MED13L: variants seen among roughly 807,000 people sequenced by gnomAD.
MED13L encodes the protein mediator of RNA polymerase II transcription subunit 13-like.
A neutral mutation model predicts 220.9 loss-of-function variants in MED13L; 7 were observed. That is an observed-to-expected ratio of 0.03 (90% CI 0.02 to 0.06). The LOEUF is 0.06. MED13L is among the 10% of genes least tolerant of loss of function. The pLI is 1.00. For synonymous variants in MED13L, 1,011 were observed against 1,015.2 expected (o/e 1.00, Z 0.08); for missense variants, 1,965 against 2,760.5 (o/e 0.71, Z 6.46).
In MED13L at chr12:115,975,292, A is replaced by G. The variant is rs1216166726; in HGVS notation, c.5610T>C (p.Ser1870=). The change falls in exon 25 of 31, where the codon TCT becomes TCC. Residue 1870 remains serine, a synonymous_variant. Transcript: ENST00000281928. ...ACTTCTGTAGTCCAATTTTACGTGCAGATACTTTACTCCTCCGTGACCTAA... is the reference window on the plus strand; with the variant it reads ...ACTTCTGTAGTCCAATTTTACGTGCGGATACTTTACTCCTCCGTGACCTAA... ...LPNRSRRSKV[S]ARKIGLQKLW... 1 of 1,614,074 alleles carries G rather than the reference A, an allele frequency of 6.2e-7. No individual in the cohort carries two copies. Among genetic ancestry groups the G allele is most frequent in the African/African-American group, 1.3e-5 (1 of 74,944 alleles).
In MED13L at chr12:115,996,566, G is replaced by C. The variant is rs779687699; in HGVS notation, c.2906C>G (p.Ala969Gly). 5.0e-6 allele frequency: 8 copies of C among 1,614,032 alleles called. No individual in the cohort carries two copies. The highest frequency in any genetic ancestry group is 6.8e-6 in the Non-Finnish European group (8 of 1,180,004). ...TGCCCATGAAGGCCGAAACAGACAG[G>C]CATCAGGTATCTTCAGAGGTAGCAA... ...HCLLPLKIPD[A>G]CLFRPSWAIP... Residue 969 changes from alanine to glycine, a missense_variant, in exon 16 of 31, where the codon GCC (alanine) becomes GGC (glycine). Ala to Gly is a moderately conservative substitution (Grantham distance 60). This residue lies in a region of MED13L where 233 missense variants were observed against 306.2 expected (regional missense o/e 0.76). Transcript: ENST00000281928.
At chr12:116,017,932 T>C (rs896149462) in intron 7 of MED13L, among the ~76,000 whole-genome samples, 41 of 151,832 alleles carry the variant, frequency 2.7e-4, no homozygotes, top group African/African-American at 9.9e-4. Flanking sequence ...GTACTTTTCT[T>C]TTCTTCTTTT....
intron 2 of MED13L, among the ~76,000 whole-genome samples, chr12:116,194,936 A>G (rs1881524669): frequency 1.3e-5 from 2 of 152,170 alleles, no homozygotes; most frequent in Non-Finnish European, 2.9e-5. Context: ...CAGAAGGTAT[A>G]GGGCTGCTAG....
At chr12:116,222,138 T>C (rs1255025331) in intron 2 of MED13L, among the ~76,000 whole-genome samples, 2 of 152,200 alleles carry the variant, frequency 1.3e-5, no homozygotes, top group Admixed American at 6.5e-5. Context: ...GTAGAGTTCA[T>C]TTAAAAATAT....
At chr12:116,187,813 G>A (rs79314037) in intron 2 of MED13L, among the ~76,000 whole-genome samples, 2,718 of 150,750 alleles carry the variant, frequency 0.018, 90 homozygotes, top group South Asian at 0.13. Flanking sequence ...AGAGCAACTC[G>A]CTACTAAAAG....
chr12:116,185,464 G>A (rs1880820406), intron 2 of MED13L, among the ~76,000 whole-genome samples: 1 of 151,560 alleles, frequency 6.6e-6, no homozygotes, highest in African/African-American at 2.4e-5. Context: ...GACTATAACT[G>A]CTATTAGGTA....
intron 4 of MED13L, among the ~76,000 whole-genome samples, chr12:116,073,724 A>G (rs1252681983): frequency 6.6e-6 from 1 of 152,242 alleles, no homozygotes; most frequent in Non-Finnish European, 1.5e-5. Context: ...TGCTTTCCAA[A>G]CATATGTCAG....
intron 13 of MED13L, among the ~76,000 whole-genome samples, chr12:116,005,647 G>C (rs1879001452): frequency 6.6e-6 from 1 of 152,026 alleles, no homozygotes; most frequent in African/African-American, 2.4e-5. Flanking sequence ...AACTCGAGGT[G>C]GATACACTAC....
chr12:116,051,044 T>C (rs1027976724), intron 4 of MED13L, among the ~76,000 whole-genome samples: 1 of 152,194 alleles, frequency 6.6e-6, no homozygotes, highest in African/African-American at 2.4e-5. Flanking sequence ...TACAAAACTG[T>C]ATGCATAATA....
intron 2 of MED13L, among the ~76,000 whole-genome samples, chr12:116,221,829 T>C (rs142863193): frequency 9.4e-4 from 143 of 152,290 alleles, no homozygotes; most frequent in African/African-American, 3.3e-3. Context: ...TTTAAGGGAT[T>C]AGATCACAAT....
chr12:116,244,424 C>T (rs146694386), intron 1 of MED13L, among the ~76,000 whole-genome samples: 50 of 152,188 alleles, frequency 3.3e-4, no homozygotes, highest in African/African-American at 1.2e-3. Context: ...ATAATTACAA[C>T]GGCAGGTGGA....
intron 1 of MED13L, among the ~76,000 whole-genome samples, chr12:116,260,688 T>A (rs1420032129): frequency 6.6e-6 from 1 of 152,200 alleles, no homozygotes; most frequent in Non-Finnish European, 1.5e-5. Flanking sequence ...TTGTGGTCTC[T>A]ACAAATGCCC....
intron 4 of MED13L, among the ~76,000 whole-genome samples, chr12:116,082,251 G>C (rs757974370): frequency 6.6e-6 from 1 of 152,134 alleles, no homozygotes; most frequent in Non-Finnish European, 1.5e-5. Flanking sequence ...AGCTACAGAA[G>C]TGACAAGTGC....
At chr12:116,036,669 C>T (rs529265502) in intron 4 of MED13L, among the ~76,000 whole-genome samples, 41 of 152,200 alleles carry the variant, frequency 2.7e-4, no homozygotes, top group Non-Finnish European at 4.4e-4. Context: ...TCAAAGTTGC[C>T]ATTAATCAAG....
chr12:116,142,975 C>G (rs575208635), intron 2 of MED13L, among the ~76,000 whole-genome samples: 142 of 152,234 alleles, frequency 9.3e-4, no homozygotes, highest in African/African-American at 3.3e-3. Context: ...TTTGTTTTAT[C>G]TTATCTACTG....
chr12:116,102,492 G>A (rs1873139458), intron 3 of MED13L, among the ~76,000 whole-genome samples: 1 of 151,898 alleles, frequency 6.6e-6, no homozygotes, highest in Non-Finnish European at 1.5e-5. Flanking sequence ...TCTCACATAG[G>A]CTAAATTTTA....
At chr12:116,093,323 G>A (rs1593035722) in intron 4 of MED13L, among the ~76,000 whole-genome samples, 1 of 151,952 alleles carries the variant, frequency 6.6e-6, no homozygotes, top group African/African-American at 2.4e-5. Flanking sequence ...AATAAAAGAT[G>A]TCAATATAGA....
intron 23 of MED13L, among the ~76,000 whole-genome samples, chr12:115,978,863 T>C (rs910571596): frequency 5.9e-5 from 9 of 152,208 alleles, no homozygotes; most frequent in Non-Finnish European, 1.0e-4. Flanking sequence ...ATAACAGCAA[T>C]TGGATTTATT....
At position 115,975,128 on chromosome 12, in the gene MED13L, T is replaced by G. The variant is rs760952395; in HGVS notation, c.5731+43A>C. 2.5e-6 allele frequency: 4 copies of G among 1,596,710 alleles called. No homozygotes were observed. The South Asian group carries it at 4.4e-5, about 18-fold the overall frequency. On this transcript the variant is annotated intron_variant, in intron 25 of 30. Coordinates refer to ENST00000281928, the MANE Select transcript of MED13L (RefSeq NM_015335.5). ...TCAGTTAATGACAATAGCTGAGCCC[T>G]TTTCCTCTGTCTTCTGCAAATACTT...
Sources: gnomAD v4.1 joint callset for allele counts (sites outside exome capture counted in the v4.1 genomes callset) on GRCh38, gnomAD v4.1.1 for gene constraint, gnomAD v4.1.1 regional missense constraint, MANE v1.5 for transcripts, NCBI Gene and HGNC (gene_info 2026-07-23, HGNC 2026-07-21) for gene names.